The following MICU3 variants were observed in gnomAD, a reference collection of about 807,000 sequenced individuals.
MICU3 encodes mitochondrial calcium uptake 3, also known as calcium uptake protein 3, mitochondrial.
Under a neutral mutation model 66.5 loss-of-function variants are expected in MICU3, and 62 were observed. That is an observed-to-expected ratio of 0.93 (90% CI 0.76 to 1.15). The LOEUF (loss-of-function observed/expected upper bound fraction) is 1.15. MICU3 is among the 50% of genes most tolerant of loss of function. The pLI, the probability that MICU3 is intolerant of heterozygous loss-of-function variation, is 0.00. For missense variants in MICU3, 779 were observed against 664.4 expected, an observed-to-expected ratio of 1.17 and a Z score of -1.90; for synonymous variants, 308 against 240.7, an observed-to-expected ratio of 1.28 and a Z score of -2.59.
intron 6 of MICU3, 41 bp from the exon 7 acceptor site, chr8:17,086,923 C>T (rs1433986291): frequency 2.9e-6 from 4 of 1,390,544 alleles, no homozygotes; most frequent in Non-Finnish European, 4.1e-6. Flanking sequence ...TGCCCAGAAA[C>T]TCTTGTTGGA....
At chr8:17,119,979 T>C (rs563437116) in intron 14 of MICU3, among the ~76,000 whole-genome samples, 2 of 152,296 alleles carry the variant, frequency 1.3e-5, no homozygotes, top group Admixed American at 6.5e-5. Flanking sequence ...AGGAGGACCA[T>C]TGTCTGGTAT....
intron 7 of MICU3, among the ~76,000 whole-genome samples, chr8:17,089,739 C>A (rs1386548327): frequency 6.6e-6 from 1 of 151,822 alleles, no homozygotes; most frequent in Non-Finnish European, 1.5e-5. Context: ...GTAATGACCA[C>A]ATGTGATTGG....
intron 5 of MICU3, chr8:17,081,964 T>G (rs1008968591): frequency 3.0e-6 from 1 of 331,678 alleles, no homozygotes. Context: ...AATTATAAAT[T>G]TAATATTACG....
intron 1 of MICU3, among the ~76,000 whole-genome samples, chr8:17,032,078 T>G (rs1388332879): frequency 2.0e-5 from 3 of 152,258 alleles, no homozygotes; most frequent in Admixed American, 1.3e-4. Flanking sequence ...TAAATATTTG[T>G]ATGGAACATA....
In MICU3 at chr8:17,093,989, A is replaced by T. The variant is rs148420690; in HGVS notation, c.888+3405A>T. Among the ~76,000 whole-genome samples, 329 of 152,142 alleles carry T rather than the reference A, an allele frequency of 2.2e-3. 2 individuals carry two copies. The highest frequency in any genetic ancestry group is 7.2e-3 in the African/African-American group (301 of 41,542). ...TTGCCATATACCACGAATCCCCTTC[A>T]TGTGTGTCCCCACTCATAATCCCTC... is the stretch of plus-strand genomic sequence containing the variant. On this transcript the variant is annotated intron_variant, in intron 8 of 14. Transcript: ENST00000318063.
rs868519498 is a variant in MICU3, at chr8:17,042,929, T to G, written c.381+15269T>G. ...TTAAACTGCTTGTAGCAATTCAAAG[T>G]GATTTTTTTTTTTTTTTTTTTTTTT... On this transcript the variant is annotated intron_variant, in intron 1 of 14. Transcript: ENST00000318063. Among the ~76,000 whole-genome samples the G allele has an allele frequency of 2.2e-3, 300 of 138,268 alleles. 3 individuals carry two copies. In the South Asian group the frequency reaches 0.025, roughly 11 times the overall value. The allele number at this position is 138,268 out of a possible 152,430, so 90.7% of individuals were successfully genotyped here.
At chr8:17,085,173 G>T in intron 5 of MICU3, 63 bp from the exon 6 acceptor site, 2 of 1,093,538 alleles carry the variant, frequency 1.8e-6, no homozygotes, top group South Asian at 1.4e-5. Context: ...CAACTAATAT[G>T]GATTTTGTAC....
chr8:17,046,076 C>T (rs542114574), intron 1 of MICU3, among the ~76,000 whole-genome samples: 16 of 152,314 alleles, frequency 1.1e-4, no homozygotes, highest in Admixed American at 4.6e-4. Flanking sequence ...AAGTGTTTCC[C>T]TGAGTTCTAT....
intron 8 of MICU3, 127 bp from the exon 9 acceptor site, chr8:17,098,327 CAAAA>C (rs58164546): frequency 0.16 from 119,843 of 745,710 alleles, 10,345 homozygotes; most frequent in African/African-American, 0.24. Context: ...CAGCAGAAAA[CAAAA>C]CAAACAAACA....
intron 1 of MICU3, among the ~76,000 whole-genome samples, chr8:17,033,961 A>G (rs1171798737): frequency 1.3e-5 from 2 of 152,206 alleles, no homozygotes; most frequent in African/African-American, 2.4e-5. Context: ...GATTTTCAAT[A>G]GAGATGAAAC....
intron 8 of MICU3, among the ~76,000 whole-genome samples, chr8:17,095,090 ATTCT>A (rs566916160): frequency 1.3e-5 from 2 of 151,918 alleles, no homozygotes; most frequent in Non-Finnish European, 2.9e-5. Context: ...TTCCTGAATA[ATTCT>A]TTCAAATCTA....
Position 17,121,942 on chromosome 8 carries a change from T to C in MICU3, c.*1655T>C, listed in dbSNP as rs1388930925. 6.6e-6 allele frequency: 1 copy of C among 151,804 alleles called. No homozygotes were observed. The highest frequency in any genetic ancestry group is 1.5e-5 in the Non-Finnish European group (1 of 67,732). The allele number at this position is 151,804 out of a possible 1,614,324, so 9.4% of individuals were successfully genotyped here. On this transcript the variant is annotated 3_prime_UTR_variant, in exon 15 of 15. Transcript: ENST00000318063. ...CAGGTCTATTTTACCTTACACTGAA[T>C]GTTCTTAATATGATTTGGTACCTAA...
chr8:17,119,605 C>T (rs1306460915), intron 14 of MICU3, among the ~76,000 whole-genome samples: 2 of 150,934 alleles, frequency 1.3e-5, no homozygotes, highest in Non-Finnish European at 1.5e-5. Flanking sequence ...TTCCTCAGCA[C>T]ATCAATGCAT....
chr8:17,080,325 T>G (rs1261058333), intron 4 of MICU3, among the ~76,000 whole-genome samples: 2 of 152,104 alleles, frequency 1.3e-5, no homozygotes, highest in Non-Finnish European at 2.9e-5. Context: ...TACCATGATA[T>G]TCATGGTCTG....
intron 7 of MICU3, among the ~76,000 whole-genome samples, chr8:17,087,392 T>C (rs1009585378): frequency 6.6e-6 from 1 of 152,008 alleles, no homozygotes; most frequent in Non-Finnish European, 1.5e-5. Flanking sequence ...AATTTAGTGG[T>C]AATATAACAA....
In MICU3 at chr8:17,090,588, T is replaced by C. The variant is rs1221091789; in HGVS notation, c.888+4T>C. On this transcript the variant is annotated splice_donor_region_variant and intron_variant, in intron 8 of 14. Coordinates refer to ENST00000318063, the MANE Select transcript of MICU3 (RefSeq NM_181723.3). ...ATACCATTCTCCTACTAATAGTGTA[T>C]GTACAATACTTTAAATGTTCTTTAT... 10 of 1,602,516 alleles carry C rather than the reference T, an allele frequency of 6.2e-6. No homozygotes were observed. Among genetic ancestry groups the C allele is most frequent in the African/African-American group, 4.0e-5 (3 of 74,386 alleles).
At chr8:17,131,944 C>T in the MICU3 span, 1 of 152,192 alleles carries the variant, frequency 6.6e-6, no homozygotes, top group Non-Finnish European at 1.5e-5. Flanking sequence ...CCTTTGAGTA[C>T]TCACTGTCCA....
At position 17,120,911 on chromosome 8, in the gene MICU3, A is replaced by G. The variant is rs977858089; in HGVS notation, c.*624A>G. The G allele has an allele frequency of 1.3e-5, 2 of 152,138 alleles. No individual in the cohort carries two copies. The highest frequency in any genetic ancestry group is 2.9e-5 in the Non-Finnish European group (2 of 67,890). The allele number at this position is 152,138 out of a possible 1,614,324, so 9.4% of individuals were successfully genotyped here. A position where few individuals can be genotyped will look rare whatever the true frequency, so the allele number is the denominator to read the frequency against. On this transcript the variant is annotated 3_prime_UTR_variant, in exon 15 of 15. Transcript: ENST00000318063. ...TTAACATATGTTGTTTGACTTGTAT[A>G]AAGTTTTTAAAAATTGTTGTTTATT...
chr8:17,037,879 T>C (rs1442448031), intron 1 of MICU3, among the ~76,000 whole-genome samples: 1 of 152,166 alleles, frequency 6.6e-6, no homozygotes, highest in African/African-American at 2.4e-5. Flanking sequence ...AAGGAGATCA[T>C]TTTGGAGCTT....
Sources: allele counts gnomAD v4.1 joint callset (sites outside exome capture counted in the v4.1 genomes callset), GRCh38; gene constraint gnomAD v4.1.1; transcripts MANE v1.5; gene names NCBI Gene and HGNC (gene_info 2026-07-23, HGNC 2026-07-21).